Variants in CEMIP2 observed in about 807,000 individuals in gnomAD.
The protein encoded by CEMIP2 is cell migration inducing hyaluronidase 2, also known as cell surface hyaluronidase CEMIP2.
In CEMIP2, 79 loss-of-function variants were observed where a neutral mutation model predicts 146.9. The ratio of observed to expected loss-of-function variants is 0.54; its 90% CI spans 0.45 to 0.65. CEMIP2 has a LOEUF of 0.65. Among genes scored for constraint, CEMIP2 ranks in the 30% least tolerant of loss-of-function variants. The pLI is 0.00. For missense variants in CEMIP2, 1,596 were observed against 1,696.2 expected (o/e 0.94, Z 1.04); for synonymous variants, 601 against 606.3 (o/e 0.99, Z 0.13).
At chr9:71,757,388 T>C (rs1199494725) in intron 1 of CEMIP2, among the ~76,000 whole-genome samples, 1 of 152,208 alleles carries the variant, frequency 6.6e-6, no homozygotes, top group African/African-American at 2.4e-5. Flanking sequence ...TTTTAAACAA[T>C]ACTCAACCTA....
At chr9:71,739,522 A>G (rs1199124530) in intron 5 of CEMIP2, among the ~76,000 whole-genome samples, 1 of 152,082 alleles carries the variant, frequency 6.6e-6, no homozygotes, top group East Asian at 1.9e-4. Context: ...AACAGCAGTC[A>G]TCTTGGAGGC....
chr9:71,690,601 A>C (rs1822201083), intron 21 of CEMIP2, among the ~76,000 whole-genome samples: 2 of 152,196 alleles, frequency 1.3e-5, no homozygotes, highest in Admixed American at 6.5e-5. Flanking sequence ...TCAATGATAG[A>C]TGGCTGCCTC....
chr9:71,703,832 T>C (rs1187986394), intron 18 of CEMIP2, among the ~76,000 whole-genome samples: 2 of 152,198 alleles, frequency 1.3e-5, no homozygotes, highest in East Asian at 3.9e-4. Context: ...CAAGACAGAT[T>C]GCTTCATCAG....
At chr9:71,742,608 G>C (rs1014384804) in intron 4 of CEMIP2, among the ~76,000 whole-genome samples, 7 of 152,178 alleles carry the variant, frequency 4.6e-5, no homozygotes, top group African/African-American at 1.7e-4. Context: ...AACCAGTAGG[G>C]AGAGGAACCT....
Position 71,700,831 on chromosome 9 carries a change from A to G in CEMIP2, c.3195-7T>C, listed in dbSNP as rs769374144. ...AACTCGAATCCAGTCATTCCTTTAAAGGAGAAACATAAAAAAATTAGTTTA... is the reference window on the plus strand; with the variant it reads ...AACTCGAATCCAGTCATTCCTTTAAGGGAGAAACATAAAAAAATTAGTTTA... On this transcript the variant is annotated splice_polypyrimidine_tract_variant and splice_region_variant and intron_variant, in intron 18 of 23. Transcript: ENST00000377044. The G allele has an allele frequency of 6.3e-6, 10 of 1,598,872 alleles. No individual in the cohort carries two copies. In the African/African-American group the frequency reaches 1.2e-4, roughly 20 times the overall value.
At chr9:71,712,429 G>A in intron 15 of CEMIP2, 169 bp from the exon 16 acceptor site, 5 of 601,574 alleles carry the variant, frequency 8.3e-6, no homozygotes, top group South Asian at 2.3e-5. Context: ...ATGCTGTAGT[G>A]GGAAAGACAA....
chr9:71,722,530 T>A lies in CEMIP2; in HGVS notation c.2179-15A>T. Reference sequence around the variant, plus strand: ...AATAAGCCAGCCTGAAAAATATAAATAATGGACTGGAATGAATATGAATCC... The same window carrying A: ...AATAAGCCAGCCTGAAAAATATAAAAAATGGACTGGAATGAATATGAATCC... On this transcript the variant is annotated splice_polypyrimidine_tract_variant and intron_variant, in intron 11 of 23. Coordinates refer to ENST00000377044, the MANE Select transcript of CEMIP2 (RefSeq NM_013390.3). The A allele has an allele frequency of 6.3e-7, 1 of 1,582,912 alleles. No homozygotes were observed. Among genetic ancestry groups the A allele is most frequent in the African/African-American group, 1.3e-5 (1 of 74,196 alleles).
intron 18 of CEMIP2, among the ~76,000 whole-genome samples, chr9:71,701,971 C>T (rs1822574314): frequency 6.6e-6 from 1 of 152,070 alleles, no homozygotes; most frequent in African/African-American, 2.4e-5. Context: ...TAAAATTCTT[C>T]ACATAGCCAG....
chr9:71,684,104 C>T lies in CEMIP2; in HGVS notation c.*1093G>A, dbSNP rs1194967411. The T allele has an allele frequency of 6.6e-6, 1 of 152,206 alleles. No individual in the cohort carries two copies. Among genetic ancestry groups the T allele is most frequent in the Non-Finnish European group, 1.5e-5 (1 of 68,058 alleles). The allele number at this position is 152,206 out of a possible 1,614,324, so 9.4% of individuals were successfully genotyped here. A position where few individuals can be genotyped will look rare whatever the true frequency, so the allele number is the denominator to read the frequency against. On this transcript the variant is annotated 3_prime_UTR_variant, in exon 24 of 24. Transcript: ENST00000377044. Reference sequence around the variant, plus strand: ...TTTCATTAAGTAAGAGTGACTCATTCCTGCAAGGCTTTAAAGAGGTTCATT... The same window carrying T: ...TTTCATTAAGTAAGAGTGACTCATTTCTGCAAGGCTTTAAAGAGGTTCATT...
intron 4 of CEMIP2, 70 bp downstream of exon 4, chr9:71,744,948 T>A (rs1824032409): frequency 1.3e-6 from 2 of 1,508,662 alleles, no homozygotes; most frequent in African/African-American, 2.8e-5. Flanking sequence ...TGTGGCTCCT[T>A]TCCCCACCCT....
intron 18 of CEMIP2, chr9:71,704,389 GA>G (rs59060767): frequency 3.4e-4 from 196 of 583,052 alleles, no homozygotes; most frequent in East Asian, 2.2e-3. Flanking sequence ...TGACCACAGA[GA>G]AAAAAAAAGC....
Position 71,745,477 on chromosome 9 carries a change from TCTG to T in CEMIP2, c.572_574del (p.Ala191del). ...CGCTTTGGATTTATAGCGGCATTTT[TCTG>T]CTCCAATATGAAGCGCCCCACCATC... On this transcript the variant is annotated inframe_deletion, in exon 4 of 24. Coordinates refer to ENST00000377044, the MANE Select transcript of CEMIP2 (RefSeq NM_013390.3). 1 of 1,614,032 alleles carries T rather than the reference TCTG, an allele frequency of 6.2e-7. No homozygotes were observed. The highest frequency in any genetic ancestry group is 8.5e-7 in the Non-Finnish European group (1 of 1,180,000).
intron 5 of CEMIP2, 113 bp downstream of exon 5, chr9:71,739,950 T>G: frequency 1.8e-4 from 177 of 1,002,366 alleles, no homozygotes; most frequent in Middle Eastern, 3.0e-4. Context: ...TTCAACTAGT[T>G]GAGAAATCTA....
At chr9:71,768,804 CCTGGTCGG>C (rs1329604585), upstream of CEMIP2, 1 of 149,008 alleles carries the variant, frequency 6.7e-6, no homozygotes, top group East Asian at 2.1e-4. Context: ...CGCTCTTGTC[CCTGGTCGG>C]CGGGCGCCGC....
chr9:71,704,783 G>A lies in CEMIP2; in HGVS notation c.3006C>T (p.Ser1002=), dbSNP rs761152828. 2 of 1,614,052 alleles carry A rather than the reference G, an allele frequency of 1.2e-6. No homozygotes were observed. The highest frequency in any genetic ancestry group is 2.2e-5 in the South Asian group (2 of 91,078). Residue 1002 remains serine, a synonymous_variant, in exon 18 of 24, where the codon AGC becomes AGT. Transcript: ENST00000377044. The stretch of plus-strand genomic sequence containing the variant: ...TAATGGTCATAGAAAGATTCTGAGT[G>A]CTCCATGTCTGTACATAGACCTTGA... ...TYAQVYVQTW[S]TQNLSMTITR...
intron 10 of CEMIP2, among the ~76,000 whole-genome samples, chr9:71,728,269 A>ATATATATACACG (rs1554684691): frequency 2.0e-4 from 3 of 15,088 alleles, no homozygotes; most frequent in Non-Finnish European, 4.5e-4. Context: ...ACGTATATAT[A>ATATATATACACG]TATATATATA....
intron 16 of CEMIP2, among the ~76,000 whole-genome samples, 187 bp from the exon 17 acceptor site, chr9:71,709,661 T>C (rs1293727785): frequency 6.6e-6 from 1 of 152,204 alleles, no homozygotes; most frequent in Non-Finnish European, 1.5e-5. Flanking sequence ...AATGACATGC[T>C]GGGGTTGGGG....
chr9:71,753,700 A>T (rs1012883737), intron 1 of CEMIP2, among the ~76,000 whole-genome samples: 2 of 151,172 alleles, frequency 1.3e-5, no homozygotes, highest in African/African-American at 2.4e-5. Flanking sequence ...TCAATTTTTT[A>T]AAAATATAAG....
At chr9:71,743,327 C>T (rs1227895491) in intron 4 of CEMIP2, among the ~76,000 whole-genome samples, 2 of 152,192 alleles carry the variant, frequency 1.3e-5, no homozygotes. Context: ...TGTCCTATTT[C>T]TTGACCTGGG....
Sources: gnomAD v4.1 joint callset for allele counts (sites outside exome capture counted in the v4.1 genomes callset) on GRCh38, gnomAD v4.1.1 for gene constraint, MANE v1.5 for transcripts, NCBI Gene and HGNC (gene_info 2026-07-23, HGNC 2026-07-21) for gene names.